The following VAV2 variants were observed in gnomAD, a reference collection of about 807,000 sequenced individuals.
VAV2 encodes the protein guanine nucleotide exchange factor VAV2.
Under a neutral mutation model 132.5 loss-of-function variants are expected in VAV2, and 67 were observed. That is an observed-to-expected ratio of 0.51 (90% CI 0.42 to 0.62). The LOEUF is 0.62. Ranked by LOEUF, VAV2 falls within the 20% of genes least tolerant of loss-of-function variation. The pLI is 0.00. For synonymous variants in VAV2, 492 were observed against 443.5 expected, an observed-to-expected ratio of 1.11 and a Z score of -1.37; for missense variants, 938 against 1,153.6, an observed-to-expected ratio of 0.81 and a Z score of 2.71.
At chr9:133,864,226 G>A (rs2131877207) in intron 2 of VAV2, among the ~76,000 whole-genome samples, 1 of 152,370 alleles carries the variant, frequency 6.6e-6, no homozygotes, top group South Asian at 2.1e-4. Context: ...CCGCGGGGCA[G>A]GAGGAAAGGA....
At chr9:133,953,419 C>T (rs1453734453) in intron 1 of VAV2, among the ~76,000 whole-genome samples, 1 of 152,232 alleles carries the variant, frequency 6.6e-6, no homozygotes, top group African/African-American at 2.4e-5. Flanking sequence ...TTTCTTCCAC[C>T]CTTTGTTCCC....
intron 1 of VAV2, among the ~76,000 whole-genome samples, chr9:133,977,358 G>A (rs368932306): frequency 6.6e-6 from 1 of 152,190 alleles, no homozygotes; most frequent in African/African-American, 2.4e-5. Flanking sequence ...ATGAGCTGGG[G>A]CCTAGGGGAG....
At chr9:133,989,352 AAAC>A (rs1842946562) in intron 1 of VAV2, among the ~76,000 whole-genome samples, 2 of 150,164 alleles carry the variant, frequency 1.3e-5, no homozygotes, top group African/African-American at 4.9e-5. Flanking sequence ...AAAAAAAAAA[AAAC>A]AAAAAATACA....
At chr9:133,936,563 A>G (rs1047621748) in intron 2 of VAV2, among the ~76,000 whole-genome samples, 1 of 152,178 alleles carries the variant, frequency 6.6e-6, no homozygotes, top group African/African-American at 2.4e-5. Flanking sequence ...ATCTTTATGT[A>G]TAAAATAGTG....
intron 1 of VAV2, among the ~76,000 whole-genome samples, chr9:133,941,632 C>A (rs913812558): frequency 6.8e-6 from 1 of 146,608 alleles, no homozygotes; most frequent in Non-Finnish European, 1.5e-5. Context: ...GACGGAATTT[C>A]GCCCTTGTTT....
chr9:133,988,340 A>G (rs1033600151), intron 1 of VAV2, among the ~76,000 whole-genome samples: 1 of 152,216 alleles, frequency 6.6e-6, no homozygotes, highest in African/African-American at 2.4e-5. Flanking sequence ...AAGCCAGCTT[A>G]GGAAGGCCTG....
chr9:133,915,160 C>A (rs909523240), intron 2 of VAV2, among the ~76,000 whole-genome samples: 4 of 152,138 alleles, frequency 2.6e-5, no homozygotes, highest in African/African-American at 9.7e-5. Flanking sequence ...CTTTCTGACG[C>A]CTTGACTCTA....
intron 4 of VAV2, among the ~76,000 whole-genome samples, chr9:133,828,779 G>A (rs1026432367): frequency 2.0e-5 from 3 of 152,196 alleles, no homozygotes; most frequent in African/African-American, 7.2e-5. Context: ...ACTTGCGCTG[G>A]AACAACCCTC....
rs924667013 is a variant in VAV2, at chr9:133,804,297, C to G, written c.836+1784G>C. On this transcript the variant is annotated intron_variant, in intron 9 of 29. Coordinates refer to ENST00000371850, the MANE Select transcript of VAV2 (RefSeq NM_001134398.2). The surrounding 1 kb of genome is among the most constrained non-coding windows in gnomAD (Gnocchi z 4.5). ...CTGACAGCCCCTTCCCCAAACAGAC[C>G]CCGACTGACGGATCTCGCCACACGC... 6.6e-6 allele frequency among the ~76,000 whole-genome samples: 1 copy of G among 152,196 alleles called. No individual in the cohort carries two copies. Among genetic ancestry groups the G allele is most frequent in the African/African-American group, 2.4e-5 (1 of 41,450 alleles).
At chr9:133,924,208 A>T (rs2132084744) in intron 2 of VAV2, among the ~76,000 whole-genome samples, 1 of 152,262 alleles carries the variant, frequency 6.6e-6, no homozygotes, top group Admixed American at 6.5e-5. Context: ...TTTTTGAGAC[A>T]GTCTCGCTCT....
Position 133,783,874 on chromosome 9 carries a change from G to A in VAV2, c.1635-283C>T, listed in dbSNP as rs1834109010. Among the ~76,000 whole-genome samples, 3 of 127,212 alleles carry A rather than the reference G, an allele frequency of 2.4e-5. No homozygotes were observed. The South Asian group carries it at 8.3e-4, about 35-fold the overall frequency. 83.5% of individuals were successfully genotyped at this position (127,212 alleles called of 152,430 possible). A position where few individuals can be genotyped will look rare whatever the true frequency, so the allele number is the denominator to read the frequency against. ...TCTGAAACTCTAAGGGCTTGGCTGG[G>A]CCGTTTTTTTTTTTTTTTTTTTTGG... is the stretch of plus-strand genomic sequence containing the variant. On this transcript the variant is annotated intron_variant, in intron 18 of 29. Transcript: ENST00000371850.
intron 1 of VAV2, among the ~76,000 whole-genome samples, chr9:133,942,053 T>A (rs1056600539): frequency 6.6e-6 from 1 of 152,180 alleles, no homozygotes; most frequent in South Asian, 2.1e-4. Flanking sequence ...TGGATGGTGG[T>A]GATGGTGCTT....
intron 2 of VAV2, among the ~76,000 whole-genome samples, chr9:133,871,997 G>A (rs1838073977): frequency 6.6e-6 from 1 of 152,226 alleles, no homozygotes; most frequent in African/African-American, 2.4e-5. Context: ...GGAATGAAAT[G>A]TTGGGATTCT....
chr9:133,893,442 C>T (rs536672667), intron 2 of VAV2, among the ~76,000 whole-genome samples: 1 of 152,334 alleles, frequency 6.6e-6, no homozygotes, highest in East Asian at 1.9e-4. Context: ...GAGGCCCTAG[C>T]GACAACTCTG....
chr9:133,928,011 C>G lies in VAV2; in HGVS notation c.321+11092G>C, dbSNP rs1051458509. 6.6e-6 allele frequency: 1 copy of G among 152,148 alleles called. No individual in the cohort carries two copies. Among genetic ancestry groups the G allele is most frequent in the Non-Finnish European group, 1.5e-5 (1 of 68,038 alleles). 9.4% of individuals were successfully genotyped at this position (152,148 alleles called of 1,614,324 possible). ...CCTCCAGGCACGCAGCTCATCAGAC[C>G]TGTAGGGACTCGGCTACCAAAATTG... On this transcript the variant is annotated intron_variant, in intron 2 of 29. Transcript: ENST00000371850. The surrounding 1 kb of genome is among the most constrained non-coding windows in gnomAD (Gnocchi z 5.4).
intron 2 of VAV2, among the ~76,000 whole-genome samples, chr9:133,937,277 T>C (rs147695227): frequency 1.1e-4 from 16 of 152,206 alleles, no homozygotes; most frequent in Non-Finnish European, 2.1e-4. Flanking sequence ...TATGGGTGAC[T>C]GTATGTCTGT....
At chr9:133,803,976 G>A (rs1835039395) in intron 9 of VAV2, among the ~76,000 whole-genome samples, 1 of 152,096 alleles carries the variant, frequency 6.6e-6, no homozygotes, top group African/African-American at 2.4e-5. Context: ...CCGCTGTGCA[G>A]CCCTCACGGG....
intron 1 of VAV2, among the ~76,000 whole-genome samples, chr9:133,958,009 G>A (rs1344052577): frequency 7.0e-6 from 1 of 142,028 alleles, no homozygotes; most frequent in African/African-American, 2.5e-5. Flanking sequence ...AAGGCAGCAT[G>A]CTCGTTAAGA....
At chr9:133,803,692 A>G (rs1289923569) in intron 9 of VAV2, among the ~76,000 whole-genome samples, 1 of 152,196 alleles carries the variant, frequency 6.6e-6, no homozygotes, top group East Asian at 1.9e-4. Flanking sequence ...AGTGCCGATC[A>G]TGCCACACCG....
Sources: allele counts gnomAD v4.1 joint callset (sites outside exome capture counted in the v4.1 genomes callset), GRCh38; gene constraint gnomAD v4.1.1; non-coding constraint Gnocchi (gnomAD v3.1); transcripts MANE v1.5; gene names NCBI Gene and HGNC (gene_info 2026-07-23, HGNC 2026-07-21).